Variants in CNGB3 observed in about 807,000 individuals in gnomAD.
CNGB3 encodes the protein cyclic nucleotide-gated channel beta-3.
CNGB3 carries 86 observed loss-of-function variants against 92.8 expected under a neutral mutation model. The ratio of observed to expected loss-of-function variants is 0.93; its 90% CI spans 0.78 to 1.11. CNGB3 has a LOEUF of 1.11. Among genes scored for constraint, CNGB3 ranks in the 50% least tolerant of loss-of-function variants. The pLI is 0.00. For missense variants in CNGB3, 1,026 were observed against 956.8 expected (o/e 1.07, Z -0.95); for synonymous variants, 333 against 332.7 (o/e 1.00, Z -0.01).
chr8:86,590,699 T>A (rs151271793), intron 15 of CNGB3, among the ~76,000 whole-genome samples: 1 of 141,010 alleles, frequency 7.1e-6, no homozygotes, highest in African/African-American at 2.7e-5. Flanking sequence ...GGGTTTCTGC[T>A]GAGAGATCCG....
intron 2 of CNGB3, among the ~76,000 whole-genome samples, chr8:86,734,884 T>A: frequency 6.6e-6 from 1 of 152,052 alleles, no homozygotes; most frequent in East Asian, 1.9e-4. Flanking sequence ...ATTAACTAAT[T>A]TAATTCTCAC....
In CNGB3 at chr8:86,670,933, G is replaced by T. The variant is rs767429913; in HGVS notation, c.493+11C>A. 2.5e-6 allele frequency: 4 copies of T among 1,612,086 alleles called. No individual in the cohort carries two copies. The highest frequency in any genetic ancestry group is 3.3e-5 in the Admixed American group (2 of 60,004). ...TCTTTCTTCCCAGTACTTGGAGGGA[G>T]CAATGCTTACCAGTTTGTGGGCTGG... On this transcript the variant is annotated intron_variant, in intron 4 of 17. Coordinates refer to ENST00000320005, the MANE Select transcript of CNGB3 (RefSeq NM_019098.5).
chr8:86,631,532 T>G (rs1822961564), intron 11 of CNGB3, among the ~76,000 whole-genome samples: 2 of 152,186 alleles, frequency 1.3e-5, no homozygotes, highest in Admixed American at 1.3e-4. Context: ...AAATTGACTG[T>G]GATATGACAA....
intron 3 of CNGB3, among the ~76,000 whole-genome samples, chr8:86,693,439 ATTTAT>A (rs1824359781): frequency 2.0e-5 from 3 of 146,872 alleles, no homozygotes; most frequent in African/African-American, 7.5e-5. Context: ...ATTATTATTT[ATTTAT>A]TTATTTATTT....
At chr8:86,741,104 T>C (rs1396571290) in intron 1 of CNGB3, among the ~76,000 whole-genome samples, 1 of 152,168 alleles carries the variant, frequency 6.6e-6, no homozygotes, top group Non-Finnish European at 1.5e-5. Flanking sequence ...ATGAGCTCTT[T>C]AAATGACTCT....
At chr8:86,712,755 A>ATTTTT in intron 3 of CNGB3, among the ~76,000 whole-genome samples, 1 of 134,564 alleles carries the variant, frequency 7.4e-6, no homozygotes, top group Non-Finnish European at 1.6e-5. Context: ...TCCTGGCTTA[A>ATTTTT]TTTTTTTTTT....
At chr8:86,644,235 T>C (rs971880738) in intron 9 of CNGB3, among the ~76,000 whole-genome samples, 1 of 151,414 alleles carries the variant, frequency 6.6e-6, no homozygotes, top group Admixed American at 6.6e-5. Context: ...TGAGACTTTA[T>C]GCTACGATGA....
At chr8:86,701,857 G>A (rs1483918744) in intron 3 of CNGB3, among the ~76,000 whole-genome samples, 1 of 152,126 alleles carries the variant, frequency 6.6e-6, no homozygotes, top group East Asian at 1.9e-4. Context: ...TCAAAAATAA[G>A]TAGTTATTAT....
intron 2 of CNGB3, among the ~76,000 whole-genome samples, chr8:86,730,683 T>G (rs1004246279): frequency 1.3e-5 from 2 of 152,224 alleles, no homozygotes; most frequent in African/African-American, 4.8e-5. Flanking sequence ...GATTATTTTC[T>G]GGCACCTGAG....
intron 10 of CNGB3, among the ~76,000 whole-genome samples, chr8:86,638,457 A>G (rs1335242742): frequency 6.6e-6 from 1 of 152,126 alleles, no homozygotes; most frequent in Non-Finnish European, 1.5e-5. Context: ...GTAGTGGGAC[A>G]TGCAATTTTT....
intron 15 of CNGB3, among the ~76,000 whole-genome samples, chr8:86,596,904 T>C (rs1242085375): frequency 1.3e-5 from 2 of 152,124 alleles, no homozygotes; most frequent in African/African-American, 4.8e-5. Flanking sequence ...GAAACCATCA[T>C]TCTCAGCAAA....
intron 3 of CNGB3, among the ~76,000 whole-genome samples, chr8:86,715,922 A>G (rs1302391861): frequency 6.6e-6 from 1 of 151,520 alleles, no homozygotes; most frequent in African/African-American, 2.4e-5. Flanking sequence ...ACATGTATAC[A>G]TATGTAACTA....
intron 12 of CNGB3, 44 bp from the exon 13 acceptor site, chr8:86,626,124 A>C: frequency 6.9e-7 from 1 of 1,452,972 alleles, no homozygotes; most frequent in Non-Finnish European, 9.7e-7. Flanking sequence ...AGAATAATTA[A>C]TGAAATAAGT....
chr8:86,723,244 A>G (rs1561688), intron 3 of CNGB3, among the ~76,000 whole-genome samples: 28,833 of 152,076 alleles, frequency 0.19, 3,352 homozygotes, highest in South Asian at 0.3. Context: ...CTTACGTGAG[A>G]AGATAAAGTA....
chr8:86,617,828 A>C (rs932683926), intron 13 of CNGB3, among the ~76,000 whole-genome samples: 1 of 152,166 alleles, frequency 6.6e-6, no homozygotes, highest in Non-Finnish European at 1.5e-5. Context: ...GTTTTGTGGA[A>C]GACAATTTTT....
rs2131585597 is a variant in CNGB3, at chr8:86,632,881, A to G, written c.1191T>C (p.Cys397=). ...YDGEGNEYLR[C]YYWAVRTLIT... is the part of the protein sequence containing the mutation. ...TTAAAGTTCGAACTGCCCAATAATA[A>G]CATCTCAGATACCTGTGAAAACAGA... Residue 397 remains cysteine, a synonymous_variant, in exon 11 of 18, where the codon TGT becomes TGC. Coordinates refer to ENST00000320005, the MANE Select transcript of CNGB3 (RefSeq NM_019098.5). The G allele has an allele frequency of 6.2e-7, 1 of 1,612,370 alleles. No homozygotes were observed. Among genetic ancestry groups the G allele is most frequent in the African/African-American group, 1.3e-5 (1 of 74,996 alleles).
chr8:86,682,611 A>ATAGC (rs1824102567), intron 3 of CNGB3, among the ~76,000 whole-genome samples: 1 of 152,166 alleles, frequency 6.6e-6, no homozygotes, highest in Non-Finnish European at 1.5e-5. Context: ...GGCTTCTTTC[A>ATAGC]TAGCGATGCC....
intron 10 of CNGB3, among the ~76,000 whole-genome samples, chr8:86,634,208 G>T (rs530917487): frequency 1.3e-5 from 2 of 152,206 alleles, no homozygotes; most frequent in East Asian, 1.9e-4. Flanking sequence ...ACCATACTTT[G>T]CATACTCATA....
At chr8:86,707,341 T>A (rs1586028581) in intron 3 of CNGB3, among the ~76,000 whole-genome samples, 1 of 152,308 alleles carries the variant, frequency 6.6e-6, no homozygotes, top group East Asian at 1.9e-4. Flanking sequence ...TGATAAATGC[T>A]ATGAAGGAAA....
Sources: allele counts gnomAD v4.1 joint callset (sites outside exome capture counted in the v4.1 genomes callset), GRCh38; gene constraint gnomAD v4.1.1; transcripts MANE v1.5; gene names NCBI Gene and HGNC (gene_info 2026-07-23, HGNC 2026-07-21).